Variants in ELFN2 observed in about 807,000 individuals in gnomAD.
ELFN2 encodes protein phosphatase 1 regulatory subunit 29.
Under a neutral mutation model 45.5 loss-of-function variants are expected in ELFN2, and 17 were observed. The observed-to-expected ratio is 0.37, with a 90% CI of 0.26 to 0.56. ELFN2 has a LOEUF of 0.56. ELFN2 is among the 20% of genes least tolerant of loss of function. The pLI is 0.77. For synonymous variants in ELFN2, 550 were observed against 551.5 expected (o/e 1.00, Z 0.04); for missense variants, 922 against 1,183.2 (o/e 0.78, Z 3.24).
At chr22:37,403,031 T>G (rs1932403972) in intron 2 of ELFN2, among the ~76,000 whole-genome samples, 1 of 152,076 alleles carries the variant, frequency 6.6e-6, no homozygotes, top group Admixed American at 6.5e-5. Flanking sequence ...TGCCCCCTCC[T>G]GCTGGCATCG....
rs544340509 is a variant in ELFN2 at position 37,417,091 on chromosome 22, C to T, written c.-463+678G>A. ...TGGACAACAGCTCCCTCCACGTGGC[C>T]GCCACCAACACAGCCTCGGTGACAG... is the stretch of plus-strand genomic sequence containing the variant. On this transcript the variant is annotated intron_variant, in intron 2 of 2. Coordinates refer to ENST00000402918, the MANE Select transcript of ELFN2 (RefSeq NM_052906.5). The surrounding 1 kb of genome is among the most constrained non-coding windows in gnomAD (Gnocchi z 4.5). Among the ~76,000 whole-genome samples the T allele has an allele frequency of 2.1e-4, 32 of 152,144 alleles. No homozygotes were observed. The highest frequency in any genetic ancestry group is 6.5e-4 in the African/African-American group (27 of 41,510).
chr22:37,399,505 C>A (rs1254495341), intron 2 of ELFN2, among the ~76,000 whole-genome samples: 1 of 148,848 alleles, frequency 6.7e-6, no homozygotes, highest in Admixed American at 6.7e-5. Context: ...CCTCCACCGA[C>A]CACGGGGACC....
chr22:37,353,925 G>C (rs1218861965), intron 1 of ELFN2: 1 of 151,958 alleles, frequency 6.6e-6, no homozygotes, highest in Non-Finnish European at 1.5e-5. Context: ...CACTCAACAG[G>C]AGTGAGTACA....
chr22:37,342,389 C>A (rs1930579197), intron 2 of ELFN2, among the ~76,000 whole-genome samples: 1 of 152,198 alleles, frequency 6.6e-6, no homozygotes, highest in Admixed American at 6.5e-5. Context: ...CTCCTGCCCA[C>A]CCCCTGTCCT....
chr22:37,356,376 G>A (rs1403700555), intron 1 of ELFN2, among the ~76,000 whole-genome samples: 1 of 152,188 alleles, frequency 6.6e-6, no homozygotes, highest in Non-Finnish European at 1.5e-5. Flanking sequence ...GAGTAACACA[G>A]GATGGGGCAT....
rs751723125 is a variant in ELFN2, at chr22:37,374,680, C to G, written c.855G>C (p.Pro285=). The change falls in exon 3 of 3, where the codon CCG becomes CCC. Residue 285 remains proline, a synonymous_variant. Coordinates refer to ENST00000402918, the MANE Select transcript of ELFN2 (RefSeq NM_052906.5). The part of the protein sequence containing the change: ...FNPDEILSVE[P]PASSTTDASA... ...ACGCATCCGTGGTGGACGAGGCCGGCGGCTCCACCGAAAGGATCTCGTCGG... is the reference window on the plus strand; with the variant it reads ...ACGCATCCGTGGTGGACGAGGCCGGGGGCTCCACCGAAAGGATCTCGTCGG... 8 of 1,611,152 alleles carry G rather than the reference C, an allele frequency of 5.0e-6. No individual in the cohort carries two copies. The African/African-American group carries it at 1.1e-4, about 22-fold the overall frequency.
Position 37,373,409 on chromosome 22 carries a change from C to G in ELFN2, c.2126G>C (p.Arg709Pro). The change falls in exon 3 of 3, where the codon CGG becomes CCG. Residue 709 changes from arginine to proline, a missense_variant. By Grantham distance (103) the Arg-to-Pro change is moderately radical (BLOSUM62 -2). Around this residue, in one of 2 missense-constraint regions of ELFN2, gnomAD observed 564 missense variants for 642.8 expected, o/e 0.88. Transcript: ENST00000402918. ...VKPAYHCSEH[R>P]HSFPALYYEE... ...GTAGTACAGGGCGGGAAAGCTGTGC[C>G]GGTGCTCGCTGCAGTGGTAGGCCGG... The G allele has an allele frequency of 1.3e-6, 2 of 1,590,872 alleles. No individual in the cohort carries two copies. Among genetic ancestry groups the G allele is most frequent in the Non-Finnish European group, 1.7e-6 (2 of 1,169,846 alleles).
At chr22:37,355,224 G>A (rs976214671) in intron 1 of ELFN2, among the ~76,000 whole-genome samples, 3 of 152,216 alleles carry the variant, frequency 2.0e-5, no homozygotes, top group African/African-American at 4.8e-5. Context: ...TCAGTCTCAC[G>A]TGGGCCACAA....
chr22:37,377,932 C>T (rs1931628390), intron 2 of ELFN2, among the ~76,000 whole-genome samples: 1 of 151,894 alleles, frequency 6.6e-6, no homozygotes, highest in Admixed American at 6.6e-5. Flanking sequence ...TCAGTTTCCC[C>T]TCCCACAGGT....
exon 3 of ELFN2, chr22:37,340,657 C>T (rs995367034): frequency 2.0e-5 from 3 of 152,088 alleles, no homozygotes; most frequent in Non-Finnish European, 2.9e-5. Flanking sequence ...GGAGGCTGCC[C>T]GACTCCTGGG....
intron 1 of ELFN2, among the ~76,000 whole-genome samples, chr22:37,343,127 C>T (rs114141577): frequency 1.3e-5 from 2 of 152,028 alleles, no homozygotes; most frequent in Non-Finnish European, 1.5e-5. Context: ...CGGAACTTGC[C>T]GAGGACACAC....
intron 1 of ELFN2, among the ~76,000 whole-genome samples, chr22:37,418,684 C>T (rs1302446468): frequency 6.6e-6 from 1 of 151,922 alleles, no homozygotes; most frequent in East Asian, 1.9e-4. Flanking sequence ...CCAACCCCAT[C>T]GTCAGCCGGG....
intron 2 of ELFN2, among the ~76,000 whole-genome samples, chr22:37,387,703 C>CAA (rs1259270507): frequency 1.7e-4 from 26 of 152,108 alleles, no homozygotes; most frequent in African/African-American, 6.3e-4. Flanking sequence ...CGCGGCCCCT[C>CAA]GGGCTCCTCT....
intron 2 of ELFN2, among the ~76,000 whole-genome samples, chr22:37,412,397 C>G (rs888577712): frequency 2.6e-5 from 4 of 152,098 alleles, no homozygotes; most frequent in African/African-American, 4.8e-5. Flanking sequence ...GGCTCTATCT[C>G]CCTCAGACAG....
chr22:37,403,739 C>A (rs1932425424), intron 2 of ELFN2, among the ~76,000 whole-genome samples: 1 of 152,238 alleles, frequency 6.6e-6, no homozygotes, highest in South Asian at 2.1e-4. Flanking sequence ...ATCATCTCAG[C>A]CCAAACGAGG....
chr22:37,367,185 G>A (rs1426562559), downstream of ELFN2, among the ~76,000 whole-genome samples: 2 of 152,216 alleles, frequency 1.3e-5, no homozygotes, highest in Non-Finnish European at 2.9e-5. Flanking sequence ...TCTGCCTCTG[G>A]GAAGCAAGGA....
chr22:37,373,353 C>A lies in ELFN2; in HGVS notation c.2182G>T (p.Val728Leu). Residue 728 changes from valine to leucine, a missense_variant, in exon 3 of 3, where the codon GTG becomes TTG. Physicochemically the swap from Val to Leu is conservative, Grantham distance 32. Around this residue, in one of 2 missense-constraint regions of ELFN2, gnomAD observed 564 missense variants for 642.8 expected, o/e 0.88. Coordinates refer to ENST00000402918, the MANE Select transcript of ELFN2 (RefSeq NM_052906.5). ...EEGADSLSQR[V>L]SFLKPLTRSK... ...CGGGTCAGCGGCTTGAGGAAGGACACGCGCTGGCTCAGGCTGTCGGCACCC... is the reference window on the plus strand; with the variant it reads ...CGGGTCAGCGGCTTGAGGAAGGACAAGCGCTGGCTCAGGCTGTCGGCACCC... 1.2e-6 allele frequency: 2 copies of A among 1,613,158 alleles called. No individual in the cohort carries two copies. Among genetic ancestry groups the A allele is most frequent in the South Asian group, 2.2e-5 (2 of 91,064 alleles).
intron 1 of ELFN2, among the ~76,000 whole-genome samples, chr22:37,361,517 C>T (rs1390890810): frequency 6.6e-6 from 1 of 152,092 alleles, no homozygotes; most frequent in Non-Finnish European, 1.5e-5. Flanking sequence ...CAAGCCCACC[C>T]TGCTCCTGCC....
At chr22:37,395,513 C>T (rs1351978386) in intron 2 of ELFN2, among the ~76,000 whole-genome samples, 3 of 152,198 alleles carry the variant, frequency 2.0e-5, no homozygotes, top group East Asian at 1.9e-4. Context: ...AAGGTGTTGT[C>T]CCCTCTAGCT....
Sources: gnomAD v4.1 joint callset for allele counts (sites outside exome capture counted in the v4.1 genomes callset) on GRCh38, gnomAD v4.1.1 for gene constraint, gnomAD v4.1.1 regional missense constraint, Gnocchi (gnomAD v3.1) non-coding constraint, MANE v1.5 for transcripts, NCBI Gene and HGNC (gene_info 2026-07-23, HGNC 2026-07-21) for gene names.